CSMD1: variants seen among roughly 807,000 people sequenced by gnomAD.
CSMD1 encodes the protein CUB and Sushi multiple domains 1.
CSMD1 carries 213 observed loss-of-function variants against 417.5 expected under a neutral mutation model. The observed-to-expected ratio is 0.51, with a 90% confidence interval of 0.46 to 0.57. The LOEUF is 0.57. Ranked by LOEUF, CSMD1 falls within the 20% of genes least tolerant of loss-of-function variation. The probability of loss-of-function intolerance (pLI) is 0.00; values close to 1 mark genes in which losing one functional copy is unlikely to be tolerated. For missense variants in CSMD1, 6,923 were observed against 4,529.7 expected (o/e 1.53, Z -15.17); for synonymous variants, 2,862 against 1,736.8 (o/e 1.65, Z -16.11).
chr8:3,574,516 G>C (rs575403499), intron 10 of CSMD1, among the ~76,000 whole-genome samples: 66 of 152,268 alleles, frequency 4.3e-4, no homozygotes, highest in Admixed American at 8.5e-4. Flanking sequence ...CAAAGTGCTG[G>C]CATTACAGGC....
At chr8:3,284,003 C>G in intron 26 of CSMD1, 141 bp downstream of exon 26, 1 of 754,298 alleles carries the variant, frequency 1.3e-6, no homozygotes, top group Non-Finnish European at 2.2e-6. Flanking sequence ...TTCTCTGCAA[C>G]ATGCATTTTC....
intron 1 of CSMD1, among the ~76,000 whole-genome samples, chr8:4,930,377 A>G (rs988041082): frequency 2.6e-5 from 4 of 152,168 alleles, no homozygotes; most frequent in Non-Finnish European, 4.4e-5. Context: ...GCGCACACAC[A>G]CACACGCATA....
intron 12 of CSMD1, among the ~76,000 whole-genome samples, chr8:3,433,888 G>T (rs562080242): frequency 6.6e-6 from 1 of 152,204 alleles, no homozygotes; most frequent in African/African-American, 2.4e-5. Context: ...TTCTGGTTAA[G>T]TCAGCTAGAA....
intron 3 of CSMD1, among the ~76,000 whole-genome samples, chr8:4,185,912 A>G (rs1173020546): frequency 6.6e-6 from 1 of 152,064 alleles, no homozygotes; most frequent in African/African-American, 2.4e-5. Flanking sequence ...AACTGTTATT[A>G]CGTTGAGTTC....
chr8:3,643,197 A>T (rs1041719302), intron 7 of CSMD1, among the ~76,000 whole-genome samples: 1 of 152,120 alleles, frequency 6.6e-6, no homozygotes, highest in Non-Finnish European at 1.5e-5. Flanking sequence ...GGGAAAACCA[A>T]TCAGGATAAT....
At chr8:4,192,217 T>C (rs967423360) in intron 3 of CSMD1, among the ~76,000 whole-genome samples, 1 of 152,130 alleles carries the variant, frequency 6.6e-6, no homozygotes, top group Admixed American at 6.5e-5. Context: ...ACAGCAAAGA[T>C]GATTGAATGT....
intron 3 of CSMD1, among the ~76,000 whole-genome samples, chr8:4,384,479 T>A (rs973348415): frequency 6.6e-6 from 1 of 152,212 alleles, no homozygotes; most frequent in Non-Finnish European, 1.5e-5. Context: ...CTATCTACTA[T>A]CTATGAATTT....
chr8:4,175,173 G>C (rs1200614455), intron 3 of CSMD1, among the ~76,000 whole-genome samples: 5 of 152,024 alleles, frequency 3.3e-5, no homozygotes. Context: ...GTTGAAAAGT[G>C]ATTTTTAATT....
intron 3 of CSMD1, among the ~76,000 whole-genome samples, chr8:4,244,744 A>T (rs1056014934): frequency 6.6e-6 from 1 of 152,164 alleles, no homozygotes; most frequent in Admixed American, 6.5e-5. Flanking sequence ...ATTTTTTTAC[A>T]GTGAAGAGTT....
rs1359125630 is a variant in CSMD1 at position 3,928,946 on chromosome 8, T to C, written c.818+68957A>G. Among the ~76,000 whole-genome samples the C allele has an allele frequency of 1.3e-5, 2 of 150,506 alleles. 1 individual carries two copies. The highest frequency in any genetic ancestry group is 3.0e-5 in the Non-Finnish European group (2 of 67,524). The stretch of plus-strand genomic sequence containing the variant: ...ATTATTTTATCAACCTGCAATAAAA[T>C]GAATGCTGTGGTTTTGTGTGCTAAA... On this transcript the variant is annotated intron_variant, in intron 5 of 69. Coordinates refer to ENST00000635120, the MANE Select transcript of CSMD1 (RefSeq NM_033225.6).
chr8:3,405,835 C>T (rs1812311102), intron 15 of CSMD1, among the ~76,000 whole-genome samples, 192 bp downstream of exon 15: 3 of 152,158 alleles, frequency 2.0e-5, no homozygotes, highest in African/African-American at 2.4e-5. Flanking sequence ...CCCACCCTGC[C>T]GATGACACCT....
intron 2 of CSMD1, among the ~76,000 whole-genome samples, chr8:4,526,922 G>A (rs1796543286): frequency 6.6e-6 from 1 of 152,004 alleles, no homozygotes; most frequent in South Asian, 2.1e-4. Flanking sequence ...CTTCGTCAAG[G>A]TTAGACAATC....
At chr8:4,585,854 G>C (rs1019553928) in intron 2 of CSMD1, among the ~76,000 whole-genome samples, 6 of 152,110 alleles carry the variant, frequency 3.9e-5, no homozygotes, top group Non-Finnish European at 8.8e-5. Context: ...AATTATATTA[G>C]ATGAAAGCAT....
At chr8:4,168,965 C>G (rs1446085825) in intron 3 of CSMD1, among the ~76,000 whole-genome samples, 1 of 152,130 alleles carries the variant, frequency 6.6e-6, no homozygotes, top group Non-Finnish European at 1.5e-5. Context: ...TCTCTGCTAT[C>G]CTCAGGCCGT....
In CSMD1 at chr8:3,998,102, C is replaced by G; in HGVS notation, c.619G>C (p.Ala207Pro). The stretch of plus-strand genomic sequence containing the variant: ...GTCCCGCGTAAGGTTCCTCCGCAGG[C>G]TCCCTCAGCTGCAGGGGCAAAAGCA... ...FPAPFCRAEG[A>P]CGGTLRGTSS... Residue 207 changes from alanine (A) to proline (P), a missense_variant, in exon 5 of 70, where the codon GCC becomes CCC. Coordinates refer to ENST00000635120, the MANE Select transcript of CSMD1 (RefSeq NM_033225.6). 2 of 1,565,526 alleles carry G rather than the reference C, an allele frequency of 1.3e-6. No homozygotes were observed. Among genetic ancestry groups the G allele is most frequent in the Admixed American group, 1.9e-5 (1 of 52,912 alleles).
chr8:4,206,749 T>A (rs1461156085), intron 3 of CSMD1, among the ~76,000 whole-genome samples: 1 of 152,192 alleles, frequency 6.6e-6, no homozygotes, highest in Admixed American at 6.5e-5. Flanking sequence ...TTTCAGAATA[T>A]TTCCAATGAA....
At chr8:3,765,525 T>G (rs1017266909) in intron 5 of CSMD1, among the ~76,000 whole-genome samples, 1 of 152,240 alleles carries the variant, frequency 6.6e-6, no homozygotes, top group African/African-American at 2.4e-5. Context: ...CTCAGACATC[T>G]TCCTCTTCTT....
intron 39 of CSMD1, among the ~76,000 whole-genome samples, chr8:3,155,918 C>G (rs1017973975): frequency 2.0e-5 from 3 of 152,188 alleles, no homozygotes; most frequent in Non-Finnish European, 2.9e-5. Flanking sequence ...CCTCTGTACA[C>G]AATTTCACCT....
intron 5 of CSMD1, among the ~76,000 whole-genome samples, chr8:3,855,521 C>T (rs10092398): frequency 0.41 from 62,284 of 151,948 alleles, 15,405 homozygotes; most frequent in African/African-American, 0.7. Flanking sequence ...GTTTTTTAAT[C>T]GCCATGTTGC....
Sources: allele counts gnomAD v4.1 joint callset (sites outside exome capture counted in the v4.1 genomes callset), GRCh38; gene constraint gnomAD v4.1.1; transcripts MANE v1.5; gene names NCBI Gene and HGNC (gene_info 2026-07-23, HGNC 2026-07-21).